Variants in ANO1 observed in about 807,000 individuals in gnomAD.
The protein encoded by ANO1 is anoctamin-1.
A neutral mutation model predicts 124.0 loss-of-function variants in ANO1; 59 were observed. The ratio of observed to expected loss-of-function variants is 0.48; its 90% confidence interval spans 0.39 to 0.59. ANO1 has a LOEUF of 0.59. ANO1 is among the 20% of genes least tolerant of loss of function. The pLI is 0.00. For synonymous variants in ANO1, 529 were observed against 532.0 expected (o/e 0.99, Z 0.08); for missense variants, 1,059 against 1,328.0 (o/e 0.80, Z 3.15).
At chr11:70,010,525 G>A (rs1856583573) in intron 1 of ANO1, among the ~76,000 whole-genome samples, 1 of 151,972 alleles carries the variant, frequency 6.6e-6, no homozygotes, top group South Asian at 2.1e-4. Flanking sequence ...TTAAACATGA[G>A]GCTTGAGGGA....
In ANO1 at chr11:70,059,932, G is replaced by A. The variant is rs531050394; in HGVS notation, c.59-18610G>A. Reference sequence around the variant, plus strand: ...CTGGAGTGGGGGCTGGGATATTAGCGGGTGTGGAGGCGTTGGCCTTTTTTT... The same window carrying A: ...CTGGAGTGGGGGCTGGGATATTAGCAGGTGTGGAGGCGTTGGCCTTTTTTT... On this transcript the variant is annotated intron_variant, in intron 1 of 27. Transcript: ENST00000531349. Among the ~76,000 whole-genome samples, 10 of 150,016 alleles carry A rather than the reference G, an allele frequency of 6.7e-5. 1 individual carries two copies. The South Asian group carries it at 1.9e-3, about 29-fold the overall frequency.
At chr11:70,105,059 C>T (rs1166617006) in intron 4 of ANO1, among the ~76,000 whole-genome samples, 3 of 152,060 alleles carry the variant, frequency 2.0e-5, no homozygotes, top group African/African-American at 7.2e-5. Context: ...TAGAGGAAAC[C>T]GCCCTCCTTC....
intron 1 of ANO1, among the ~76,000 whole-genome samples, chr11:70,003,599 A>ATAGATGGG (rs1554999649): frequency 2.4e-5 from 1 of 42,218 alleles, no homozygotes; most frequent in East Asian, 3.1e-4. Context: ...GGATGGGTGG[A>ATAGATGGG]TGGATGGATG....
chr11:69,979,204 G>A, the ANO1 span, among the ~76,000 whole-genome samples: 1 of 152,188 alleles, frequency 6.6e-6, no homozygotes, highest in Non-Finnish European at 1.5e-5. Flanking sequence ...GTGAATGACA[G>A]GGACTAAAGA....
rs552209310 is a variant in ANO1, at chr11:70,168,007, C to T, written c.2197+620C>T. Among the ~76,000 whole-genome samples, 34 of 152,308 alleles carry T rather than the reference C, an allele frequency of 2.2e-4. No individual in the cohort carries two copies. In the South Asian group the frequency reaches 5.6e-3, roughly 25 times the overall value. On this transcript the variant is annotated intron_variant, in intron 21 of 25. Transcript: ENST00000355303. The stretch of plus-strand genomic sequence containing the variant: ...ACAGCTGCCCCCAGCACAGAGCAGG[C>T]GTCTCAAAGGAGACCCAGGGATCGA...
intron 11 of ANO1, among the ~76,000 whole-genome samples, chr11:70,144,005 C>T (rs1222838819): frequency 1.3e-5 from 2 of 152,156 alleles, no homozygotes. Context: ...AACCCCAGCC[C>T]CTGGCAACTA....
the ANO1 span, among the ~76,000 whole-genome samples, chr11:69,972,633 G>A: frequency 6.6e-6 from 1 of 152,178 alleles, no homozygotes; most frequent in East Asian, 1.9e-4. Context: ...AGACGGTCCT[G>A]TGTAAAGACG....
intron 1 of ANO1, among the ~76,000 whole-genome samples, chr11:70,084,841 A>G (rs2044312019): frequency 6.6e-6 from 1 of 152,168 alleles, no homozygotes; most frequent in South Asian, 2.1e-4. Context: ...AGCACCAGAG[A>G]CAGAGCCCTG....
At chr11:70,092,046 G>A (rs1031213329) in intron 2 of ANO1, among the ~76,000 whole-genome samples, 8 of 152,170 alleles carry the variant, frequency 5.3e-5, no homozygotes, top group Non-Finnish European at 1.2e-4. Context: ...GCAGGGCCGC[G>A]CTCCCTCTAA....
In ANO1 at chr11:70,107,494, GGGGC is replaced by G. The variant is rs1223461331; in HGVS notation, c.748-855_748-852del. ...GACAGGTGGGTCCAGTGGAGGCGGC[GGGGC>G]GGGGAAGCGGTCAGATGGCCTGGGC... On this transcript the variant is annotated intron_variant, in intron 5 of 25. Coordinates refer to ENST00000355303, the MANE Select transcript of ANO1 (RefSeq NM_018043.7). Among the ~76,000 whole-genome samples the G allele has an allele frequency of 3.7e-3, 442 of 121,060 alleles. 108 individuals are homozygous for G. The highest frequency in any genetic ancestry group is 7.0e-3 in the Non-Finnish European group (383 of 54,458). The allele number at this position is 121,060 out of a possible 152,430, so 79.4% of individuals were successfully genotyped here. A position where few individuals can be genotyped will look rare whatever the true frequency, so the allele number is the denominator to read the frequency against.
intron 21 of ANO1, among the ~76,000 whole-genome samples, chr11:70,170,345 C>T (rs2048414106): frequency 6.6e-6 from 1 of 152,220 alleles, no homozygotes; most frequent in South Asian, 2.1e-4. Flanking sequence ...TGGCTCATGC[C>T]TGGAATCCCA....
intron 22 of ANO1, among the ~76,000 whole-genome samples, chr11:70,173,096 T>G (rs77436492): frequency 0.1 from 15,879 of 152,194 alleles, 955 homozygotes; most frequent in Middle Eastern, 0.16. Context: ...CACTGTCTGG[T>G]TCCAAGATAA....
the ANO1 span, among the ~76,000 whole-genome samples, chr11:69,970,415 C>T: frequency 6.6e-6 from 1 of 152,214 alleles, no homozygotes; most frequent in Non-Finnish European, 1.5e-5. Context: ...CAAGTGCCAC[C>T]AGCCCCATCG....
intron 1 of ANO1, among the ~76,000 whole-genome samples, chr11:70,025,850 G>T (rs1256835149): frequency 6.7e-6 from 1 of 149,490 alleles, no homozygotes; most frequent in Non-Finnish European, 1.5e-5. Context: ...TGATGATGGT[G>T]GTGGTGATGG....
intron 1 of ANO1, chr11:70,085,318 T>A: frequency 2.2e-6 from 3 of 1,352,542 alleles, no homozygotes; most frequent in Non-Finnish European, 1.9e-6. Context: ...CCCCCACCCT[T>A]CCCCCTGAGC....
intron 1 of ANO1, among the ~76,000 whole-genome samples, chr11:70,035,924 T>C (rs1263704304): frequency 6.6e-6 from 1 of 152,214 alleles, no homozygotes; most frequent in Non-Finnish European, 1.5e-5. Flanking sequence ...CAATCTATCA[T>C]TGATAGGCAT....
chr11:70,116,920 A>T (rs2045997101), intron 8 of ANO1, among the ~76,000 whole-genome samples: 2 of 152,158 alleles, frequency 1.3e-5, no homozygotes, highest in African/African-American at 2.4e-5. Flanking sequence ...CCAGGTGCAC[A>T]GAGAACAATG....
the ANO1 span, among the ~76,000 whole-genome samples, chr11:69,969,516 C>T: frequency 1.3e-5 from 2 of 152,212 alleles, no homozygotes; most frequent in Admixed American, 1.3e-4. Context: ...TCTCTGGCTA[C>T]TGCCCCCGTC....
rs559344732 is a variant in ANO1 at position 70,045,336 on chromosome 11, G to A, written c.59-33206G>A. 3.9e-5 allele frequency among the ~76,000 whole-genome samples: 6 copies of A among 152,300 alleles called. No homozygotes were observed. The South Asian group carries it at 8.3e-4, about 21-fold the overall frequency. The stretch of plus-strand genomic sequence containing the variant: ...AGAAGTCCAACTCACAAGTACTCTA[G>A]AAGCAAAATTTCTGAAACTGCCATG... On this transcript the variant is annotated intron_variant, in intron 1 of 27. Transcript: ENST00000531349.
Sources: allele counts gnomAD v4.1 joint callset (sites outside exome capture counted in the v4.1 genomes callset), GRCh38; gene constraint gnomAD v4.1.1; transcripts MANE v1.5; gene names NCBI Gene and HGNC (gene_info 2026-07-23, HGNC 2026-07-21).